The following RAPH1 variants were observed in gnomAD, a reference collection of about 807,000 sequenced individuals.
RAPH1 encodes the protein ras-associated and pleckstrin homology domains-containing protein 1.
Under a neutral mutation model 88.1 loss-of-function variants are expected in RAPH1, and 18 were observed. The observed-to-expected ratio is 0.20, with a 90% confidence interval of 0.14 to 0.30. RAPH1 has a LOEUF of 0.30. RAPH1 is among the 10% of genes least tolerant of loss of function. RAPH1 has a pLI of 1.00. For missense variants in RAPH1, 1,448 were observed against 1,543.2 expected, an observed-to-expected ratio of 0.94 and a Z score of 1.03; for synonymous variants, 587 against 559.0, an observed-to-expected ratio of 1.05 and a Z score of -0.71.
In RAPH1 at chr2:203,439,201, A is replaced by G. The variant is rs2098500863; in HGVS notation, c.*236T>C. 1 of 431,360 alleles carries G rather than the reference A, an allele frequency of 2.3e-6. No individual in the cohort carries two copies. Among genetic ancestry groups the G allele is most frequent in the Non-Finnish European group, 4.2e-6 (1 of 240,954 alleles). 26.7% of individuals were successfully genotyped at this position (431,360 alleles called of 1,614,324 possible). ...AGATTAGGAGAGAAAAGGAATAAAT[A>G]GAATAACTCTCAGCTCTCTCTCTAT... On this transcript the variant is annotated 3_prime_UTR_variant, in exon 14 of 14. Transcript: ENST00000319170.
rs1194964775 is a variant in RAPH1, at chr2:203,436,882, CAG to C, written c.*2553_*2554del. 1 of 152,156 alleles carries C rather than the reference CAG, an allele frequency of 6.6e-6. No homozygotes were observed. The highest frequency in any genetic ancestry group is 2.4e-5 in the African/African-American group (1 of 41,432). 9.4% of individuals were successfully genotyped at this position (152,156 alleles called of 1,614,324 possible). A position where few individuals can be genotyped will look rare whatever the true frequency, so the allele number is the denominator to read the frequency against. On this transcript the variant is annotated 3_prime_UTR_variant, in exon 14 of 14. Coordinates refer to ENST00000319170, the MANE Select transcript of RAPH1 (RefSeq NM_213589.3). ...AAAGAAAACCCACTAGGGAGTAAAACAGAAGTATAAAGTATCACTTTAGTGGT... is the reference window on the plus strand; with the variant it reads ...AAAGAAAACCCACTAGGGAGTAAAACAAGTATAAAGTATCACTTTAGTGGT...
chr2:203,438,303 G>A lies in RAPH1; in HGVS notation c.*1134C>T, dbSNP rs375429251. 2.3e-6 allele frequency: 1 copy of A among 427,064 alleles called. No individual in the cohort carries two copies. The allele number at this position is 427,064 out of a possible 1,614,324, so 26.5% of individuals were successfully genotyped here. On this transcript the variant is annotated 3_prime_UTR_variant, in exon 14 of 14. Transcript: ENST00000319170. The stretch of plus-strand genomic sequence containing the variant: ...CAACCAGATTAATGACACCTGTACA[G>A]GGGCCAGTTCTGTTCTCTCATCACC...
intron 2 of RAPH1, among the ~76,000 whole-genome samples, 200 bp from the exon 3 acceptor site, chr2:203,491,519 T>C (rs1688266448): frequency 6.6e-6 from 1 of 152,216 alleles, no homozygotes; most frequent in Admixed American, 6.5e-5. Context: ...TCTTTAGATA[T>C]ATGCTTACTT....
rs758969933 is a variant in RAPH1 at position 203,444,989 on chromosome 2, T to C, written c.1655A>G (p.Asn552Ser). The part of the protein sequence containing the change: ...SIPESQSNHS[N>S]QSDSGVSDTQ... ...GTCAGAAACTCCGCTATCAGACTGA[T>C]TGGAGTGGTTTGACTGAGACTCTGT... The change falls in exon 13 of 14, where the codon AAT becomes AGT. Residue 552 changes from asparagine (N) to serine (S), a missense_variant. Transcript: ENST00000319170. 3.7e-6 allele frequency: 6 copies of C among 1,613,646 alleles called. No individual in the cohort carries two copies. The African/African-American group carries it at 4.0e-5, about 11-fold the overall frequency.
At chr2:203,477,183 T>C (rs767498876) in intron 4 of RAPH1, 11 of 1,587,084 alleles carry the variant, frequency 6.9e-6, no homozygotes, top group African/African-American at 2.7e-5. Context: ...AGGAAGAAAA[T>C]GATAGGTAAA....
intron 10 of RAPH1, among the ~76,000 whole-genome samples, chr2:203,451,186 T>C (rs187734998): frequency 1.6e-4 from 25 of 152,326 alleles, no homozygotes; most frequent in Admixed American, 2.6e-4. Context: ...GTTCTGCTAA[T>C]ACATTATTTT....
intron 7 of RAPH1, among the ~76,000 whole-genome samples, chr2:203,457,922 A>T (rs1477144747): frequency 6.6e-6 from 1 of 152,208 alleles, no homozygotes; most frequent in African/African-American, 2.4e-5. Flanking sequence ...AGAGGATCTG[A>T]AAGGTTTAGA....
At chr2:203,456,742 T>A (rs917089737) in intron 8 of RAPH1, among the ~76,000 whole-genome samples, 11 of 152,200 alleles carry the variant, frequency 7.2e-5, no homozygotes, top group African/African-American at 2.7e-4. Flanking sequence ...TAAGGGTTTA[T>A]TCAGGTTTTC....
chr2:203,479,861 T>G (rs1177338207), intron 4 of RAPH1, among the ~76,000 whole-genome samples: 5 of 152,224 alleles, frequency 3.3e-5, no homozygotes, highest in African/African-American at 4.8e-5. Flanking sequence ...CATAAAGTAC[T>G]TATTTTCTTA....
At chr2:203,469,898 A>G (rs2098531577) in intron 4 of RAPH1, among the ~76,000 whole-genome samples, 1 of 152,258 alleles carries the variant, frequency 6.6e-6, no homozygotes, top group African/African-American at 2.4e-5. Context: ...AACCCAGAGT[A>G]TGGACAACCA....
At chr2:203,476,191 G>A (rs968129764) in intron 4 of RAPH1, among the ~76,000 whole-genome samples, 4 of 151,800 alleles carry the variant, frequency 2.6e-5, no homozygotes, top group Admixed American at 2.0e-4. Context: ...GTCTTGCTCC[G>A]TCACTCAGGC....
chr2:203,484,455 C>A (rs1687874539), intron 4 of RAPH1, among the ~76,000 whole-genome samples: 1 of 152,194 alleles, frequency 6.6e-6, no homozygotes, highest in African/African-American at 2.4e-5. Context: ...AGTAGTAGCA[C>A]ACGCCCTTGA....
Position 203,439,344 on chromosome 2 carries a change from C to T in RAPH1, c.*93G>A. 8.4e-7 allele frequency: 1 copy of T among 1,186,276 alleles called. No homozygotes were observed. The highest frequency in any genetic ancestry group is 1.2e-6 in the Non-Finnish European group (1 of 820,792). 73.5% of individuals were successfully genotyped at this position (1,186,276 alleles called of 1,614,324 possible). The stretch of plus-strand genomic sequence containing the variant: ...TGGACACTACCTGAATAACATCATA[C>T]CAGGAGGCTCTGAACACCTGAATTC... On this transcript the variant is annotated 3_prime_UTR_variant, in exon 14 of 14. Transcript: ENST00000319170.
At chr2:203,463,832 A>C (rs1389840902) in intron 4 of RAPH1, among the ~76,000 whole-genome samples, 1 of 152,228 alleles carries the variant, frequency 6.6e-6, no homozygotes, top group African/African-American at 2.4e-5. Flanking sequence ...TTCTCTTTTT[A>C]AAACAAGCTA....
At chr2:203,506,896 ATAT>A (rs1559495215) in intron 1 of RAPH1, among the ~76,000 whole-genome samples, 18 of 100,900 alleles carry the variant, frequency 1.8e-4, no homozygotes, top group African/African-American at 1.0e-3. Context: ...ATATATATAT[ATAT>A]TTTTTTTTTT....
intron 1 of RAPH1, among the ~76,000 whole-genome samples, chr2:203,501,216 G>C (rs1310375118): frequency 6.6e-6 from 1 of 152,158 alleles, no homozygotes; most frequent in Non-Finnish European, 1.5e-5. Flanking sequence ...AAGGAGGAGA[G>C]AGGAAGTCAG....
chr2:203,489,674 G>A lies in RAPH1; in HGVS notation c.642C>T (p.Ser214=), dbSNP rs760714383. The change falls in exon 4 of 14, where the codon TCC becomes TCT. Residue 214 remains serine, a synonymous_variant. Transcript: ENST00000319170. ...CCAAAGAGTCCATGCTGGAGGCTGC[G>A]GAAGTGATGCTGGAATGGGAGGAAT... The part of the protein sequence containing the change: ...ISNSSHSSIT[S]AASSMDSLDI... The A allele has an allele frequency of 9.3e-6, 15 of 1,614,088 alleles. No homozygotes were observed. Among genetic ancestry groups the A allele is most frequent in the Admixed American group, 3.3e-5 (2 of 60,012 alleles).
chr2:203,506,522 AAAAAAACAAAAAAC>A (rs528384948), intron 1 of RAPH1, among the ~76,000 whole-genome samples: 3 of 151,646 alleles, frequency 2.0e-5, no homozygotes, highest in South Asian at 2.1e-4. Flanking sequence ...TCCGTCTCAA[AAAAAAACAAAAAAC>A]AAAAAACAAA....
rs1026166769 is a variant in RAPH1 at position 203,489,839 on chromosome 2, C to A, written c.477G>T (p.Gln159His). ...CCATACTCAAAGAGGCCTGTTCTAA[C>A]TGTGCAGTGACGTCGTCCAAGGAGT... is the stretch of plus-strand genomic sequence containing the variant. ...ASYSLDDVTA[Q>H]LEQASLSMDE... is the part of the protein sequence containing the mutation. The change falls in exon 4 of 14, where the codon CAG becomes CAT. Residue 159 changes from glutamine to histidine, a missense_variant. By Grantham distance (24) the Gln-to-His change is conservative. Coordinates refer to ENST00000319170, the MANE Select transcript of RAPH1 (RefSeq NM_213589.3). 6.2e-7 allele frequency: 1 copy of A among 1,614,250 alleles called. No homozygotes were observed. Among genetic ancestry groups the A allele is most frequent in the Non-Finnish European group, 8.5e-7 (1 of 1,180,036 alleles).
Sources: gnomAD v4.1 joint callset for allele counts (sites outside exome capture counted in the v4.1 genomes callset) on GRCh38, gnomAD v4.1.1 for gene constraint, MANE v1.5 for transcripts, NCBI Gene and HGNC (gene_info 2026-07-23, HGNC 2026-07-21) for gene names.